MB21D2: variants seen among roughly 807,000 people sequenced by gnomAD.
The protein encoded by MB21D2 is nucleotidyltransferase MB21D2.
A neutral mutation model predicts 33.3 loss-of-function variants in MB21D2; 9 were observed. The ratio of observed to expected loss-of-function variants is 0.27; its 90% CI spans 0.16 to 0.47. The LOEUF is 0.47. Among genes scored for constraint, MB21D2 ranks in the 20% least tolerant of loss-of-function variants. MB21D2 has a pLI of 0.99. For missense variants in MB21D2, 540 were observed against 624.6 expected (o/e 0.86, Z 1.44); for synonymous variants, 241 against 236.3 (o/e 1.02, Z -0.18).
intron 1 of MB21D2, among the ~76,000 whole-genome samples, chr3:192,858,151 A>C (rs557512749): frequency 3.9e-5 from 6 of 152,074 alleles, no homozygotes; most frequent in Non-Finnish European, 1.5e-5. Context: ...ACAAACAAAC[A>C]AAAAAGTGGC....
intron 1 of MB21D2, among the ~76,000 whole-genome samples, chr3:192,850,112 G>T (rs565855994): frequency 1.9e-4 from 29 of 152,036 alleles, no homozygotes; most frequent in Middle Eastern, 3.4e-3. Context: ...TAGAGAGGGG[G>T]TTTCACCATG....
intron 1 of MB21D2, among the ~76,000 whole-genome samples, chr3:192,834,984 A>C (rs1413478754): frequency 6.0e-5 from 9 of 149,612 alleles, no homozygotes; most frequent in Admixed American, 2.0e-4. Context: ...TAATTTTTGT[A>C]TTTTTAGTAG....
intron 1 of MB21D2, among the ~76,000 whole-genome samples, chr3:192,849,316 T>TGGG (rs66792694): frequency 1.6e-3 from 152 of 92,142 alleles, no homozygotes; most frequent in Middle Eastern, 7.7e-3. Context: ...TCTCTTTTTT[T>TGGG]GGGGGGGGGG....
intron 1 of MB21D2, among the ~76,000 whole-genome samples, chr3:192,872,647 G>T (rs1239212004): frequency 3.3e-5 from 5 of 152,060 alleles, no homozygotes; most frequent in African/African-American, 1.2e-4. Flanking sequence ...AAGAATCATG[G>T]ATGACGGTAA....
chr3:192,896,258 C>A (rs1713970747), intron 1 of MB21D2, among the ~76,000 whole-genome samples: 1 of 150,342 alleles, frequency 6.7e-6, no homozygotes. Flanking sequence ...CAAGGTCACA[C>A]AAGCTGTCCC....
At chr3:192,827,600 T>C (rs1712204357) in intron 1 of MB21D2, among the ~76,000 whole-genome samples, 1 of 152,120 alleles carries the variant, frequency 6.6e-6, no homozygotes, top group Non-Finnish European at 1.5e-5. Flanking sequence ...AAGTGGCTAC[T>C]CAGGGGCATG....
At chr3:192,825,484 G>A (rs373580757) in intron 1 of MB21D2, among the ~76,000 whole-genome samples, 1,724 of 133,516 alleles carry the variant, frequency 0.013, 21 homozygotes, top group African/African-American at 0.067. Flanking sequence ...GAAATAAAAA[G>A]AAAAAAATCA....
At chr3:192,854,635 T>C (rs577794115) in intron 1 of MB21D2, among the ~76,000 whole-genome samples, 7 of 152,214 alleles carry the variant, frequency 4.6e-5, no homozygotes, top group African/African-American at 1.7e-4. Context: ...TCAATGCAAC[T>C]TCCATAGTTT....
At chr3:192,845,174 G>A (rs904176886) in intron 1 of MB21D2, among the ~76,000 whole-genome samples, 2 of 152,174 alleles carry the variant, frequency 1.3e-5, no homozygotes, top group African/African-American at 4.8e-5. Flanking sequence ...AGTAACAGAA[G>A]GATTATAGGG....
intron 1 of MB21D2, among the ~76,000 whole-genome samples, chr3:192,898,907 G>A (rs777643040): frequency 6.6e-6 from 1 of 152,162 alleles, no homozygotes; most frequent in Non-Finnish European, 1.5e-5. Flanking sequence ...GAGAGAGATG[G>A]GGCTTTCCAT....
chr3:192,873,699 TTTTTTG>T (rs929752178), intron 1 of MB21D2, among the ~76,000 whole-genome samples: 9 of 152,290 alleles, frequency 5.9e-5, no homozygotes, highest in South Asian at 2.1e-4. Context: ...GTGCATTTCT[TTTTTTG>T]TTTTTGTTTT....
intron 1 of MB21D2, among the ~76,000 whole-genome samples, chr3:192,832,003 T>C (rs999498050): frequency 6.6e-6 from 1 of 152,154 alleles, no homozygotes; most frequent in African/African-American, 2.4e-5. Flanking sequence ...TCAAAATGAC[T>C]GCTACAAAGC....
At chr3:192,889,285 T>G (rs1219343155) in intron 1 of MB21D2, among the ~76,000 whole-genome samples, 1 of 151,504 alleles carries the variant, frequency 6.6e-6, no homozygotes, top group African/African-American at 2.4e-5. Flanking sequence ...TTATAACACA[T>G]AAAAAAGGGA....
At chr3:192,850,764 C>G (rs1396566166) in intron 1 of MB21D2, among the ~76,000 whole-genome samples, 3 of 152,214 alleles carry the variant, frequency 2.0e-5, no homozygotes, top group African/African-American at 7.2e-5. Flanking sequence ...AAGGGCAGTA[C>G]AAATGACAAA....
intron 1 of MB21D2, among the ~76,000 whole-genome samples, chr3:192,899,256 C>T (rs1252733653): frequency 1.3e-5 from 2 of 152,128 alleles, no homozygotes; most frequent in East Asian, 1.9e-4. Context: ...CAGCCAGGCG[C>T]GGTGGCTCAT....
At chr3:192,906,681 C>A (rs1293067066) in intron 1 of MB21D2, among the ~76,000 whole-genome samples, 1 of 152,178 alleles carries the variant, frequency 6.6e-6, no homozygotes, top group Admixed American at 6.5e-5. Flanking sequence ...AGCACACACC[C>A]CTGTTTACTT....
chr3:192,874,925 T>G (rs1223519648), intron 1 of MB21D2, among the ~76,000 whole-genome samples: 2 of 152,086 alleles, frequency 1.3e-5, no homozygotes, highest in Non-Finnish European at 2.9e-5. Flanking sequence ...GGCTGTTAGG[T>G]CTAGGGGTGC....
At chr3:192,910,019 A>G (rs961393998) in intron 1 of MB21D2, among the ~76,000 whole-genome samples, 1 of 150,766 alleles carries the variant, frequency 6.6e-6, no homozygotes, top group African/African-American at 2.4e-5. Context: ...AAAGAAAGTG[A>G]GAAATTGGGG....
chr3:192,800,529 T>C (rs1711541461), intron 1 of MB21D2, among the ~76,000 whole-genome samples: 1 of 152,188 alleles, frequency 6.6e-6, no homozygotes, highest in Non-Finnish European at 1.5e-5. Flanking sequence ...TTAGCAATTT[T>C]TTTTTAAAAA....
Sources: allele counts gnomAD v4.1 joint callset (sites outside exome capture counted in the v4.1 genomes callset), GRCh38; gene constraint gnomAD v4.1.1; transcripts MANE v1.5; gene names NCBI Gene and HGNC (gene_info 2026-07-23, HGNC 2026-07-21).